FBXO38: variants seen among roughly 807,000 people sequenced by gnomAD.
The protein encoded by FBXO38 is F-box protein 38, also known as F-box only protein 38.
Under a neutral mutation model 131.9 loss-of-function variants are expected in FBXO38, and 53 were observed. The ratio of observed to expected loss-of-function variants is 0.40; its 90% CI spans 0.32 to 0.51. The LOEUF (loss-of-function observed/expected upper bound fraction) is 0.51, where lower values mean the gene tolerates loss of function less well. FBXO38 is among the 20% of genes least tolerant of loss of function. FBXO38 has a pLI of 0.53. For synonymous variants in FBXO38, 452 were observed against 505.6 expected, an observed-to-expected ratio of 0.89 and a Z score of 1.42; for missense variants, 1,076 against 1,475.6, an observed-to-expected ratio of 0.73 and a Z score of 4.44.
chr5:148,405,103 T>C (rs1320801377), intron 6 of FBXO38, among the ~76,000 whole-genome samples: 2 of 152,074 alleles, frequency 1.3e-5, no homozygotes, highest in African/African-American at 4.8e-5. Context: ...AATTTCAGTC[T>C]TCTTACTTTG....
chr5:148,416,726 G>A (rs747485231), intron 11 of FBXO38: 12 of 401,918 alleles, frequency 3.0e-5, no homozygotes, highest in Admixed American at 2.4e-4. Flanking sequence ...TTCAAATTGC[G>A]GCTCTACCAC....
intron 7 of FBXO38, 36 bp downstream of exon 7, chr5:148,406,430 AAATC>A: frequency 2.0e-6 from 3 of 1,468,778 alleles, no homozygotes; most frequent in Non-Finnish European, 2.7e-6. Context: ...TATTTTTTAA[AAATC>A]AACTTAAAAT....
rs761853191 is a variant in FBXO38 at position 148,427,671 on chromosome 5, G to A, written c.2377G>A (p.Asp793Asn). The A allele has an allele frequency of 3.7e-6, 6 of 1,614,186 alleles. No homozygotes were observed. The Admixed American group carries it at 8.3e-5, about 22-fold the overall frequency. The change falls in exon 15 of 22, where the codon GAT (aspartate) becomes AAT (asparagine). Residue 793 changes from aspartate (D) to asparagine (N), a missense_variant. Transcript: ENST00000340253. ...CCAAAGGAGAACTAGCAGGTGTTCT[G>A]ATGAGGAACGTCCTTCAACCAGCCG... Reference protein sequence around the residue: ...ESQRRTSRCSDEERPSTSRAC... With the variant: ...ESQRRTSRCSNEERPSTSRAC...
At chr5:148,420,300 A>G (rs1338109898) in intron 12 of FBXO38, among the ~76,000 whole-genome samples, 3 of 151,720 alleles carry the variant, frequency 2.0e-5, no homozygotes, top group African/African-American at 7.3e-5. Context: ...TTTTTCAAAA[A>G]ATTTTGTGTA....
intron 10 of FBXO38, 59 bp from the exon 11 acceptor site, chr5:148,415,869 C>G: frequency 1.9e-6 from 3 of 1,573,386 alleles, no homozygotes; most frequent in Non-Finnish European, 2.6e-6. Context: ...TATCAAAATT[C>G]ATCAGTAATG....
chr5:148,409,049 T>G, intron 7 of FBXO38, 75 bp from the exon 8 acceptor site: 6 of 782,994 alleles, frequency 7.7e-6, no homozygotes, highest in South Asian at 6.1e-5. Flanking sequence ...CAGATAATAC[T>G]TTATAATGTA....
At chr5:148,405,309 A>G (rs184207349) in intron 6 of FBXO38, among the ~76,000 whole-genome samples, 2 of 152,174 alleles carry the variant, frequency 1.3e-5, no homozygotes, top group African/African-American at 2.4e-5. Context: ...TTCTTAAAAC[A>G]TTATGAGATT....
At position 148,406,237 on chromosome 5, in the gene FBXO38, A is replaced by C; in HGVS notation, c.731-20A>C. The C allele has an allele frequency of 1.3e-6, 2 of 1,535,160 alleles. No homozygotes were observed. Among genetic ancestry groups the C allele is most frequent in the Non-Finnish European group, 1.8e-6 (2 of 1,137,702 alleles). On this transcript the variant is annotated intron_variant, in intron 6 of 21. Transcript: ENST00000340253. ...AAGGCACTTTACATTGTTCTATCAAAGATTTTTTTTTTTTTCCAGGACCCA... is the reference window on the plus strand; with the variant it reads ...AAGGCACTTTACATTGTTCTATCAACGATTTTTTTTTTTTTCCAGGACCCA...
At chr5:148,410,354 TC>T (rs1235792581) in intron 8 of FBXO38, 1 of 422,390 alleles carries the variant, frequency 2.4e-6, no homozygotes, top group African/African-American at 2.1e-5. Context: ...AATGGGAGTG[TC>T]CCTGCACAGC....
intron 9 of FBXO38, chr5:148,413,536 T>C (rs1752885724): frequency 6.6e-6 from 1 of 152,106 alleles, no homozygotes; most frequent in African/African-American, 2.4e-5. Flanking sequence ...AGTGACATGA[T>C]CTAGAATAAA....
intron 15 of FBXO38, among the ~76,000 whole-genome samples, chr5:148,429,646 G>A (rs928156524): frequency 6.6e-6 from 1 of 152,044 alleles, no homozygotes; most frequent in Non-Finnish European, 1.5e-5. Context: ...AAACATAATT[G>A]TCATTTTAAC....
At chr5:148,418,560 G>A (rs183923503) in intron 12 of FBXO38, among the ~76,000 whole-genome samples, 1 of 152,306 alleles carries the variant, frequency 6.6e-6, no homozygotes, top group East Asian at 1.9e-4. Flanking sequence ...AGAGCCAACA[G>A]GTGTTAAGGG....
chr5:148,401,202 G>A (rs905884015), intron 3 of FBXO38, among the ~76,000 whole-genome samples: 1 of 152,122 alleles, frequency 6.6e-6, no homozygotes, highest in Non-Finnish European at 1.5e-5. Context: ...AAAAGCCCTT[G>A]TAACAGATTA....
chr5:148,423,988 T>C lies in FBXO38; in HGVS notation c.1619-10T>C. ...TTTTGGTTTTTACTTTGTGTATATT[T>C]TCGTTGAAGCATTAAATGAGATGGA... On this transcript the variant is annotated splice_polypyrimidine_tract_variant and intron_variant, in intron 12 of 21. Coordinates refer to ENST00000340253, the MANE Select transcript of FBXO38 (RefSeq NM_205836.3). The C allele has an allele frequency of 6.2e-7, 1 of 1,606,220 alleles. No individual in the cohort carries two copies. Among genetic ancestry groups the C allele is most frequent in the Non-Finnish European group, 8.5e-7 (1 of 1,177,400 alleles).
At chr5:148,397,918 G>A (rs1758563353) in intron 2 of FBXO38, among the ~76,000 whole-genome samples, 1 of 152,176 alleles carries the variant, frequency 6.6e-6, no homozygotes, top group Non-Finnish European at 1.5e-5. Flanking sequence ...ATAATTTAAT[G>A]AAGGGACTAT....
At position 148,415,922 on chromosome 5, in the gene FBXO38, T is replaced by G. The variant is rs200238428; in HGVS notation, c.1265-6T>G. On this transcript the variant is annotated splice_region_variant and splice_polypyrimidine_tract_variant and intron_variant, in intron 10 of 21. Transcript: ENST00000340253. The stretch of plus-strand genomic sequence containing the variant: ...ATTTTCTCTGGTCATGTCATTTCTT[T>G]AACAGACCACTCAAGATGGACTCGA... 1 of 1,613,432 alleles carries G rather than the reference T, an allele frequency of 6.2e-7. No homozygotes were observed. Among genetic ancestry groups the G allele is most frequent in the African/African-American group, 1.3e-5 (1 of 75,000 alleles).
At chr5:148,402,740 A>G (rs1752226965) in intron 5 of FBXO38, among the ~76,000 whole-genome samples, 1 of 152,178 alleles carries the variant, frequency 6.6e-6, no homozygotes. Flanking sequence ...ATATTCTTTG[A>G]AATTATATAC....
chr5:148,442,029 T>C lies in FBXO38; in HGVS notation c.3449T>C (p.Ile1150Thr). Residue 1150 changes from isoleucine (I) to threonine (T), a missense_variant, in exon 22 of 22, where the codon ATA (isoleucine) becomes ACA (threonine). Coordinates refer to ENST00000340253, the MANE Select transcript of FBXO38 (RefSeq NM_205836.3). ...TCTGCAGACATCTGTATGGAAACAA[T>C]AGGAGAGGAAATTTCAGAGATGCGT... is the stretch of plus-strand genomic sequence containing the variant. ...QLSADICMET[I>T]GEEISEMRQM... 6.2e-7 allele frequency: 1 copy of C among 1,614,012 alleles called. No homozygotes were observed. Among genetic ancestry groups the C allele is most frequent in the African/African-American group, 1.3e-5 (1 of 75,036 alleles).
intron 1 of FBXO38, among the ~76,000 whole-genome samples, chr5:148,393,969 C>T (rs897189519): frequency 6.6e-6 from 1 of 152,118 alleles, no homozygotes; most frequent in African/African-American, 2.4e-5. Flanking sequence ...CTCCATTCCT[C>T]CTCTCTCCCC....
Sources: gnomAD v4.1 joint callset for allele counts (sites outside exome capture counted in the v4.1 genomes callset) on GRCh38, gnomAD v4.1.1 for gene constraint, MANE v1.5 for transcripts, NCBI Gene and HGNC (gene_info 2026-07-23, HGNC 2026-07-21) for gene names.